The following EPHA6 variants were observed in gnomAD, a reference collection of about 807,000 sequenced individuals.
EPHA6 encodes the protein EPH receptor A6, also known as ephrin type-A receptor 6.
In EPHA6, 50 loss-of-function variants were observed where a neutral mutation model predicts 112.0. That is an observed-to-expected ratio of 0.45 (90% CI 0.36 to 0.56). The LOEUF (loss-of-function observed/expected upper bound fraction) is 0.56. EPHA6 is among the 20% of genes least tolerant of loss of function. The pLI is 0.00. For missense variants in EPHA6, 1,280 were observed against 1,417.4 expected (o/e 0.90, Z 1.56); for synonymous variants, 529 against 490.7 (o/e 1.08, Z -1.03).
intron 8 of EPHA6, among the ~76,000 whole-genome samples, chr3:97,476,266 A>G (rs980297297): frequency 7.2e-5 from 11 of 152,178 alleles, no homozygotes; most frequent in African/African-American, 2.4e-4. Context: ...AAAATAGTCT[A>G]TCTAGATATC....
chr3:97,739,526 A>G lies in EPHA6; in HGVS notation c.3128+3408A>G, dbSNP rs542156473. ...AACATATTGAAAATGTAATAATTTT[A>G]TACTAACATATTGGAAATTTCATAA... On this transcript the variant is annotated intron_variant, in intron 16 of 17. Coordinates refer to ENST00000389672, the MANE Select transcript of EPHA6 (RefSeq NM_001080448.3). Among the ~76,000 whole-genome samples the G allele has an allele frequency of 3.9e-5, 6 of 152,266 alleles. No individual in the cohort carries two copies. In the East Asian group the frequency reaches 1.2e-3, roughly 29 times the overall value.
intron 6 of EPHA6, among the ~76,000 whole-genome samples, chr3:97,407,240 T>C (rs957383978): frequency 2.6e-5 from 4 of 151,972 alleles, no homozygotes; most frequent in East Asian, 1.9e-4. Flanking sequence ...GTTCTAGCTA[T>C]TGTCAAATGC....
At chr3:97,617,435 C>G (rs1042179177) in intron 13 of EPHA6, among the ~76,000 whole-genome samples, 1 of 152,072 alleles carries the variant, frequency 6.6e-6, no homozygotes, top group African/African-American at 2.4e-5. Context: ...CAATACTAAC[C>G]TGAAATGTAA....
intron 5 of EPHA6, among the ~76,000 whole-genome samples, chr3:97,280,621 A>T (rs2080253899): frequency 6.6e-6 from 1 of 152,102 alleles, no homozygotes; most frequent in African/African-American, 2.4e-5. Flanking sequence ...AATTTTCAGA[A>T]CCTGGTGTGT....
At chr3:96,996,532 A>T (rs1324800489) in intron 3 of EPHA6, among the ~76,000 whole-genome samples, 1 of 152,086 alleles carries the variant, frequency 6.6e-6, no homozygotes, top group Non-Finnish European at 1.5e-5. Flanking sequence ...TGCAGAATGG[A>T]TGTTGTGCTA....
intron 3 of EPHA6, among the ~76,000 whole-genome samples, chr3:97,159,789 G>A (rs1392687545): frequency 6.6e-6 from 1 of 152,192 alleles, no homozygotes; most frequent in Non-Finnish European, 1.5e-5. Context: ...GCAATGCTGT[G>A]TAGAACACTA....
Position 97,484,060 on chromosome 3 carries a change from G to A in EPHA6, c.2200+1G>A. 6.3e-7 allele frequency: 1 copy of A among 1,595,918 alleles called. No homozygotes were observed. Among genetic ancestry groups the A allele is most frequent in the Non-Finnish European group, 8.5e-7 (1 of 1,172,794 alleles). ...CGTATTGAGAGAGTCATTGGGGCAG[G>A]TAAATGTCAAATCTACACTTTTGAA... On this transcript the variant is annotated splice_donor_variant, in intron 10 of 17. Coordinates refer to ENST00000389672, the MANE Select transcript of EPHA6 (RefSeq NM_001080448.3). LOFTEE classifies it high-confidence loss of function.
intron 7 of EPHA6, among the ~76,000 whole-genome samples, chr3:97,456,716 G>C (rs990333035): frequency 5.3e-5 from 8 of 152,118 alleles, no homozygotes; most frequent in African/African-American, 1.7e-4. Context: ...CCACACTAGA[G>C]ATAAGAGAGT....
intron 2 of EPHA6, among the ~76,000 whole-genome samples, chr3:96,890,347 G>T: frequency 6.6e-6 from 1 of 152,054 alleles, no homozygotes; most frequent in East Asian, 1.9e-4. Context: ...TAGAAAAAAT[G>T]GACCCAAAGT....
At chr3:97,278,491 G>A (rs1015696474) in intron 5 of EPHA6, among the ~76,000 whole-genome samples, 1 of 152,178 alleles carries the variant, frequency 6.6e-6, no homozygotes, top group Non-Finnish European at 1.5e-5. Context: ...TAGCCATAAT[G>A]TGTCCTTTGG....
rs1037905318 is a variant in EPHA6, at chr3:97,345,686, C to T, written c.1607-59464C>T. On this transcript the variant is annotated intron_variant, in intron 5 of 17. Coordinates refer to ENST00000389672, the MANE Select transcript of EPHA6 (RefSeq NM_001080448.3). ...TTGGATATCTATTTTGAGATTAACA[C>T]TATATTCTGAATTCCAGAAACATGT... is the stretch of plus-strand genomic sequence containing the variant. 3.3e-5 allele frequency among the ~76,000 whole-genome samples: 5 copies of T among 152,194 alleles called. 1 individual carries two copies. The East Asian group carries it at 9.7e-4, about 29-fold the overall frequency.
chr3:97,367,592 T>A (rs1172343376), intron 5 of EPHA6, among the ~76,000 whole-genome samples: 2 of 152,164 alleles, frequency 1.3e-5, no homozygotes, highest in Non-Finnish European at 1.5e-5. Context: ...TGTAGTTTTC[T>A]GTTTCTAGCT....
intron 7 of EPHA6, among the ~76,000 whole-genome samples, chr3:97,464,722 A>G (rs998487773): frequency 1.6e-4 from 25 of 152,052 alleles, no homozygotes; most frequent in Non-Finnish European, 5.9e-5. Context: ...AAACCCGAGG[A>G]GTAATGCTCC....
intron 2 of EPHA6, among the ~76,000 whole-genome samples, chr3:96,941,511 G>A (rs1576114488): frequency 6.6e-6 from 1 of 151,952 alleles, no homozygotes; most frequent in South Asian, 2.1e-4. Flanking sequence ...TAATTTTTTT[G>A]AAAGTTTTTA....
chr3:97,041,870 A>G (rs1039670050), intron 3 of EPHA6, among the ~76,000 whole-genome samples: 3 of 151,898 alleles, frequency 2.0e-5, no homozygotes, highest in South Asian at 2.1e-4. Context: ...CAAGGGGAAA[A>G]TCCTCCCCAG....
chr3:97,538,741 G>T (rs561636404), intron 11 of EPHA6, among the ~76,000 whole-genome samples: 2 of 152,166 alleles, frequency 1.3e-5, no homozygotes, highest in Non-Finnish European at 2.9e-5. Flanking sequence ...GGATTGAGAA[G>T]CGTCCATTGG....
intron 3 of EPHA6, among the ~76,000 whole-genome samples, chr3:97,192,164 T>A (rs2108480779): frequency 6.6e-6 from 1 of 152,284 alleles, no homozygotes; most frequent in South Asian, 2.1e-4. Context: ...TTTGACTGAG[T>A]CTTGCTATGT....
At chr3:97,440,803 A>G (rs1010157196) in intron 6 of EPHA6, among the ~76,000 whole-genome samples, 2 of 151,760 alleles carry the variant, frequency 1.3e-5, no homozygotes, top group African/African-American at 4.8e-5. Context: ...CAGTGTTTTT[A>G]AAAGATTGAT....
At chr3:97,296,400 C>T (rs563073523) in intron 5 of EPHA6, among the ~76,000 whole-genome samples, 30 of 152,206 alleles carry the variant, frequency 2.0e-4, no homozygotes, top group Middle Eastern at 3.4e-3. Flanking sequence ...CCTGGTGATG[C>T]GGATGGGTAC....
Sources: gnomAD v4.1 joint callset for allele counts (sites outside exome capture counted in the v4.1 genomes callset) on GRCh38, gnomAD v4.1.1 for gene constraint, MANE v1.5 for transcripts, NCBI Gene and HGNC (gene_info 2026-07-23, HGNC 2026-07-21) for gene names.